Variants in SH3BGRL2 observed in about 807,000 individuals in gnomAD.
The protein encoded by SH3BGRL2 is SH3 domain-binding glutamic acid-rich-like protein 2.
In SH3BGRL2, 21 loss-of-function variants were observed where a neutral mutation model predicts 14.8. The ratio of observed to expected loss-of-function variants is 1.42; its 90% confidence interval spans 1.01 to 2.05. SH3BGRL2 has a LOEUF of 2.05. Among genes scored for constraint, SH3BGRL2 ranks in the 30% most tolerant of loss-of-function variants. The pLI, the probability that SH3BGRL2 is intolerant of heterozygous loss-of-function variation, is 0.00. For synonymous variants in SH3BGRL2, 50 were observed against 47.8 expected, an observed-to-expected ratio of 1.05 and a Z score of -0.19; for missense variants, 147 against 130.8, an observed-to-expected ratio of 1.12 and a Z score of -0.61.
chr6:79,564,126 T>C, the SH3BGRL2 span, among the ~76,000 whole-genome samples: 1 of 152,020 alleles, frequency 6.6e-6, no homozygotes, highest in East Asian at 1.9e-4. Flanking sequence ...AGTGAAACAA[T>C]TAATAAAACT....
chr6:79,540,735 C>T, the SH3BGRL2 span, among the ~76,000 whole-genome samples: 1 of 151,844 alleles, frequency 6.6e-6, no homozygotes, highest in Non-Finnish European at 1.5e-5. Context: ...CTGATTAACA[C>T]GGATTAATTT....
intron 3 of SH3BGRL2, among the ~76,000 whole-genome samples, 196 bp from the exon 4 acceptor site, chr6:79,699,302 G>T (rs547304342): frequency 6.6e-6 from 1 of 151,918 alleles, no homozygotes; most frequent in Admixed American, 6.6e-5. Context: ...TGGCAGGTCG[G>T]GTGGGTGTGA....
At chr6:79,578,626 A>C in the SH3BGRL2 span, among the ~76,000 whole-genome samples, 1 of 152,218 alleles carries the variant, frequency 6.6e-6, no homozygotes, top group East Asian at 1.9e-4. Context: ...GGCCATCTAC[A>C]CCAGCACCCC....
At chr6:79,556,905 A>G in the SH3BGRL2 span, among the ~76,000 whole-genome samples, 1 of 152,018 alleles carries the variant, frequency 6.6e-6, no homozygotes, top group African/African-American at 2.4e-5. Context: ...GTCTTTGGAT[A>G]ATGGAATATG....
intron 3 of SH3BGRL2, among the ~76,000 whole-genome samples, chr6:79,699,203 C>A (rs529308466): frequency 6.6e-6 from 1 of 152,278 alleles, no homozygotes; most frequent in Admixed American, 6.5e-5. Context: ...GGTAACCCCC[C>A]ACCCAGCCAT....
the SH3BGRL2 span, among the ~76,000 whole-genome samples, chr6:79,560,940 G>A: frequency 7.8e-6 from 1 of 128,388 alleles, no homozygotes; most frequent in Non-Finnish European, 1.6e-5. Context: ...GAGTGCAATG[G>A]CGTGATCTCA....
chr6:79,654,491 A>G (rs1259550754), intron 1 of SH3BGRL2, among the ~76,000 whole-genome samples: 1 of 152,138 alleles, frequency 6.6e-6, no homozygotes, highest in Non-Finnish European at 1.5e-5. Context: ...CTACTCCTTT[A>G]CAGATAAAGA....
chr6:79,692,129 A>T (rs1770231956), intron 2 of SH3BGRL2, among the ~76,000 whole-genome samples: 1 of 151,986 alleles, frequency 6.6e-6, no homozygotes, highest in Admixed American at 6.6e-5. Context: ...TTTTTTCATG[A>T]GTTTTTTGGC....
chr6:79,660,844 A>C (rs571462893), intron 1 of SH3BGRL2, among the ~76,000 whole-genome samples: 3 of 152,100 alleles, frequency 2.0e-5, no homozygotes, highest in Non-Finnish European at 1.5e-5. Flanking sequence ...TCAGAGATTC[A>C]ACTTCTTTCT....
At chr6:79,678,418 T>C (rs950333194) in intron 2 of SH3BGRL2, among the ~76,000 whole-genome samples, 3 of 152,202 alleles carry the variant, frequency 2.0e-5, no homozygotes, top group African/African-American at 7.2e-5. Flanking sequence ...CTTCTTTCAC[T>C]TAGCATATCT....
chr6:79,676,635 GTGTGTA>G (rs922946302), intron 2 of SH3BGRL2, among the ~76,000 whole-genome samples: 23 of 127,924 alleles, frequency 1.8e-4, no homozygotes, highest in East Asian at 4.6e-4. Flanking sequence ...GTGTGTGTGT[GTGTGTA>G]TATATATATA....
chr6:79,651,434 A>G (rs1769292591), intron 1 of SH3BGRL2, among the ~76,000 whole-genome samples: 1 of 152,196 alleles, frequency 6.6e-6, no homozygotes, highest in Non-Finnish European at 1.5e-5. Flanking sequence ...AAATGTAAAA[A>G]CAGTAAAATC....
At chr6:79,560,985 A>T in the SH3BGRL2 span, 2 of 137,006 alleles carry the variant, frequency 1.5e-5, no homozygotes, top group African/African-American at 5.6e-5. Flanking sequence ...AATTCAAGGG[A>T]TTCTCCTGCC....
the SH3BGRL2 span, among the ~76,000 whole-genome samples, chr6:79,600,330 C>G: frequency 3.5e-4 from 53 of 152,292 alleles, no homozygotes; most frequent in African/African-American, 1.2e-3. Context: ...CATTCACCCA[C>G]AACATTTAAC....
chr6:79,664,974 G>T (rs1434372307), intron 1 of SH3BGRL2, among the ~76,000 whole-genome samples: 2 of 152,180 alleles, frequency 1.3e-5, no homozygotes, highest in Non-Finnish European at 2.9e-5. Context: ...GGCTGAGGAG[G>T]GCAGATCATG....
At chr6:79,628,771 T>C (rs1768774175), upstream of SH3BGRL2, among the ~76,000 whole-genome samples, 1 of 152,218 alleles carries the variant, frequency 6.6e-6, no homozygotes, top group Admixed American at 6.5e-5. Flanking sequence ...AGGATTCTTC[T>C]TGAAGTATAA....
chr6:79,581,224 G>A, the SH3BGRL2 span, among the ~76,000 whole-genome samples: 2 of 152,118 alleles, frequency 1.3e-5, no homozygotes, highest in South Asian at 2.1e-4. Context: ...GGAGAAGCTG[G>A]TACCATTCCT....
intron 1 of SH3BGRL2, among the ~76,000 whole-genome samples, chr6:79,639,475 G>C (rs1768989357): frequency 6.6e-6 from 1 of 152,054 alleles, no homozygotes; most frequent in Non-Finnish European, 1.5e-5. Flanking sequence ...TGTAGTCCCA[G>C]TTACTTGGGG....
chr6:79,695,092 C>G (rs997875347), intron 2 of SH3BGRL2, among the ~76,000 whole-genome samples: 2 of 152,228 alleles, frequency 1.3e-5, no homozygotes, highest in East Asian at 3.8e-4. Context: ...TCACACTTCA[C>G]TAGTGCTGCT....
Sources: gnomAD v4.1 joint callset for allele counts (sites outside exome capture counted in the v4.1 genomes callset) on GRCh38, gnomAD v4.1.1 for gene constraint, MANE v1.5 for transcripts, NCBI Gene and HGNC (gene_info 2026-07-23, HGNC 2026-07-21) for gene names.